PGM5: variants seen among roughly 807,000 people sequenced by gnomAD.
PGM5 encodes the protein phosphoglucomutase-like protein 5.
Under a neutral mutation model 59.2 loss-of-function variants are expected in PGM5, and 23 were observed. That is an observed-to-expected ratio of 0.39 (90% CI 0.28 to 0.55). PGM5 has a LOEUF of 0.55. Among genes scored for constraint, PGM5 ranks in the 20% least tolerant of loss-of-function variants. The pLI is 0.66. For synonymous variants in PGM5, 214 were observed against 286.0 expected (o/e 0.75, Z 2.54); for missense variants, 574 against 748.3 (o/e 0.77, Z 2.72).
chr9:68,445,604 A>C (rs1823598973), intron 6 of PGM5, among the ~76,000 whole-genome samples: 1 of 152,144 alleles, frequency 6.6e-6, no homozygotes, highest in Non-Finnish European at 1.5e-5. Context: ...ACTCACTCTG[A>C]CTCAAGTGTA....
At chr9:68,459,556 T>C (rs1823827271) in intron 6 of PGM5, among the ~76,000 whole-genome samples, 1 of 152,212 alleles carries the variant, frequency 6.6e-6, no homozygotes, top group Non-Finnish European at 1.5e-5. Flanking sequence ...TTTGTTGTTC[T>C]ATGGTACTCC....
At chr9:68,509,128 C>G (rs1437034844) in intron 10 of PGM5, among the ~76,000 whole-genome samples, 1 of 152,104 alleles carries the variant, frequency 6.6e-6, no homozygotes, top group South Asian at 2.1e-4. Context: ...TTTGCTCTCC[C>G]GTCTACTCTT....
chr9:68,472,164 A>G (rs782356118), intron 7 of PGM5, among the ~76,000 whole-genome samples: 2 of 152,136 alleles, frequency 1.3e-5, no homozygotes, highest in African/African-American at 2.4e-5. Flanking sequence ...CTTCTTCACA[A>G]TGATGGTATA....
chr9:68,403,327 C>T (rs1822716714), intron 6 of PGM5, among the ~76,000 whole-genome samples: 1 of 152,128 alleles, frequency 6.6e-6, no homozygotes, highest in Admixed American at 6.5e-5. Flanking sequence ...TCAGGACTCC[C>T]ACTGATTCTA....
intron 6 of PGM5, among the ~76,000 whole-genome samples, chr9:68,400,126 T>C (rs1369363772): frequency 6.6e-6 from 1 of 152,152 alleles, no homozygotes; most frequent in Non-Finnish European, 1.5e-5. Context: ...CTCTTCTTCA[T>C]TTCCTCTTCT....
At chr9:68,438,492 T>A (rs1554683494) in intron 6 of PGM5, among the ~76,000 whole-genome samples, 1 of 152,134 alleles carries the variant, frequency 6.6e-6, no homozygotes, top group East Asian at 1.9e-4. Context: ...TCAGGGAATC[T>A]GAATGTTGAA....
At chr9:68,389,016 G>A (rs2132007617) in intron 4 of PGM5, among the ~76,000 whole-genome samples, 1 of 151,956 alleles carries the variant, frequency 6.6e-6, no homozygotes, top group East Asian at 1.9e-4. Flanking sequence ...TTTTACTACT[G>A]AATTGATCCT....
rs1824528756 is a variant in PGM5 at position 68,499,157 on chromosome 9, G to A, written c.1480-70G>A. 8.6e-6 allele frequency: 13 copies of A among 1,513,442 alleles called. 1 individual carries two copies. In the South Asian group the frequency reaches 1.4e-4, roughly 16 times the overall value. The allele number at this position is 1,513,442 out of a possible 1,614,324, so 93.8% of individuals were successfully genotyped here. On this transcript the variant is annotated intron_variant, in intron 9 of 10. Transcript: ENST00000396396. Reference sequence around the variant, plus strand: ...GTATAAAAACATGCTGATTTCTGTGGCAGGTATTAATGATTATTACTTGTG... The same window carrying A: ...GTATAAAAACATGCTGATTTCTGTGACAGGTATTAATGATTATTACTTGTG...
chr9:68,499,446 T>A, intron 10 of PGM5, 85 bp downstream of exon 10: 1 of 1,357,870 alleles, frequency 7.4e-7, no homozygotes, highest in Non-Finnish European at 1.0e-6. Flanking sequence ...GTGGGGCTAT[T>A]TTACCTCCTG....
In PGM5 at chr9:68,356,635, G is replaced by T. The variant is rs1488751276; in HGVS notation, c.-493G>T. Among the ~76,000 whole-genome samples the T allele has an allele frequency of 6.6e-6, 1 of 152,286 alleles. No homozygotes were observed. The highest frequency in any genetic ancestry group is 2.4e-5 in the African/African-American group (1 of 41,484). On this transcript the variant is annotated 5_prime_UTR_variant, in exon 1 of 11. Coordinates refer to ENST00000396396, the MANE Select transcript of PGM5 (RefSeq NM_021965.4). Reference sequence around the variant, plus strand: ...CGCACTCCCAGGGAGACAGGGAGACGGGCCGGGCGCCGGAGAGGAACCCGG... The same window carrying T: ...CGCACTCCCAGGGAGACAGGGAGACTGGCCGGGCGCCGGAGAGGAACCCGG...
chr9:68,366,550 TG>T (rs1411859772), intron 1 of PGM5, among the ~76,000 whole-genome samples: 3 of 152,244 alleles, frequency 2.0e-5, no homozygotes, highest in Admixed American at 2.0e-4. Context: ...GGGTGTATAA[TG>T]GGGAAGGAGA....
chr9:68,490,260 T>C (rs1460786444), intron 9 of PGM5, among the ~76,000 whole-genome samples: 2 of 152,258 alleles, frequency 1.3e-5, no homozygotes, highest in African/African-American at 4.8e-5. Flanking sequence ...AACTGGAGAA[T>C]CTGAAGCTTT....
intron 7 of PGM5, among the ~76,000 whole-genome samples, chr9:68,471,970 CAAA>C (rs35694675): frequency 7.8e-6 from 1 of 128,404 alleles, no homozygotes; most frequent in Non-Finnish European, 1.7e-5. Context: ...GCCTTGGTGA[CAAA>C]AAAAAAAAAA....
chr9:68,389,887 T>C (rs541406888), intron 4 of PGM5, among the ~76,000 whole-genome samples: 4 of 152,232 alleles, frequency 2.6e-5, no homozygotes, highest in African/African-American at 7.2e-5. Flanking sequence ...TTTACCTGTA[T>C]CTTCACCAAT....
At chr9:68,497,082 G>A (rs1824493685) in intron 9 of PGM5, 1 of 152,198 alleles carries the variant, frequency 6.6e-6, no homozygotes, top group East Asian at 1.9e-4. Context: ...GAGACTTTTG[G>A]GGATTTATTG....
At chr9:68,375,816 G>A (rs1232338744) in intron 1 of PGM5, among the ~76,000 whole-genome samples, 1 of 152,216 alleles carries the variant, frequency 6.6e-6, no homozygotes, top group Non-Finnish European at 1.5e-5. Context: ...TGTCAAGGGT[G>A]CTATCTCTGA....
chr9:68,519,953 G>T (rs1024380499), intron 10 of PGM5, among the ~76,000 whole-genome samples: 2 of 148,126 alleles, frequency 1.4e-5, no homozygotes, highest in East Asian at 3.9e-4. Context: ...AGCCAGGTGT[G>T]ATGGTGTGCA....
intron 1 of PGM5, among the ~76,000 whole-genome samples, chr9:68,367,015 T>C (rs1317493912): frequency 7.9e-5 from 12 of 152,096 alleles, no homozygotes; most frequent in Non-Finnish European, 1.0e-4. Context: ...CATTTCTCCA[T>C]GCTGCTAGCT....
chr9:68,415,789 A>ATCTATCTATCTATCTG (rs1554681923), intron 6 of PGM5, among the ~76,000 whole-genome samples: 5 of 53,482 alleles, frequency 9.3e-5, no homozygotes, highest in Non-Finnish European at 1.2e-4. Flanking sequence ...ATATCTATCT[A>ATCTATCTATCTATCTG]TCTATCTATC....
Sources: allele counts gnomAD v4.1 joint callset (sites outside exome capture counted in the v4.1 genomes callset), GRCh38; gene constraint gnomAD v4.1.1; transcripts MANE v1.5; gene names NCBI Gene and HGNC (gene_info 2026-07-23, HGNC 2026-07-21).